Variants in NAP1L1 observed in about 807,000 individuals in gnomAD.
The protein encoded by NAP1L1 is nucleosome assembly protein 1 like 1.
A neutral mutation model predicts 58.9 loss-of-function variants in NAP1L1; 9 were observed. The ratio of observed to expected loss-of-function variants is 0.15; its 90% CI spans 0.09 to 0.27. The LOEUF (loss-of-function observed/expected upper bound fraction) is 0.27. Ranked by LOEUF, NAP1L1 falls within the 10% of genes least tolerant of loss-of-function variation. The pLI is 1.00. For synonymous variants in NAP1L1, 130 were observed against 138.3 expected (o/e 0.94, Z 0.42); for missense variants, 302 against 458.8 (o/e 0.66, Z 3.12).
rs568175346 is a variant in NAP1L1, at chr12:76,041,959, G to A, written c.*6470C>T. On this transcript the variant is annotated 3_prime_UTR_variant, in exon 15 of 15. Coordinates refer to ENST00000618691, the MANE Select transcript of NAP1L1 (RefSeq NM_004537.7). ...TTTCTGGGTTCTGCCAAAGGCCAAA[G>A]AAAGTAAACAGCATATGAAAACACA... is the stretch of plus-strand genomic sequence containing the variant. 3 of 152,194 alleles carry A rather than the reference G, an allele frequency of 2.0e-5. No homozygotes were observed. Among genetic ancestry groups the A allele is most frequent in the East Asian group, 3.9e-4 (2 of 5,188 alleles). 9.4% of individuals were successfully genotyped at this position (152,194 alleles called of 1,614,324 possible).
At chr12:76,081,922 C>T (rs1053142392) in intron 1 of NAP1L1, among the ~76,000 whole-genome samples, 11 of 152,282 alleles carry the variant, frequency 7.2e-5, no homozygotes, top group African/African-American at 2.6e-4. Flanking sequence ...TTACCCTTTC[C>T]TTCCTTTATA....
chr12:76,067,991 GTAAC>G (rs1273537028), intron 3 of NAP1L1, among the ~76,000 whole-genome samples: 2 of 152,176 alleles, frequency 1.3e-5, no homozygotes, highest in Non-Finnish European at 2.9e-5. Flanking sequence ...GTCAAAGACT[GTAAC>G]TAAAGCCAAA....
chr12:76,038,988 C>T lies in NAP1L1; in HGVS notation c.*9441G>A, dbSNP rs1000216825. The T allele has an allele frequency of 6.6e-6, 1 of 152,166 alleles. No individual in the cohort carries two copies. The highest frequency in any genetic ancestry group is 1.5e-5 in the Non-Finnish European group (1 of 68,036). 9.4% of individuals were successfully genotyped at this position (152,166 alleles called of 1,614,324 possible). On this transcript the variant is annotated 3_prime_UTR_variant, in exon 15 of 15. Transcript: ENST00000618691. ...ATGAAATAAAAAGCCTTGGGCAAAG[C>T]AGGACTCCAATCATAATTAATCCTT...
At chr12:76,049,016 G>A in intron 14 of NAP1L1, 184 bp downstream of exon 14, 1 of 569,504 alleles carries the variant, frequency 1.8e-6, no homozygotes, top group Non-Finnish European at 3.0e-6. Flanking sequence ...ATGTTTTTTA[G>A]AAAAACGTCC....
rs1157387370 is a variant in NAP1L1, at chr12:76,047,596, T to C, written c.*833A>G. 1.3e-5 allele frequency: 2 copies of C among 152,022 alleles called. No individual in the cohort carries two copies. Among genetic ancestry groups the C allele is most frequent in the Admixed American group, 6.6e-5 (1 of 15,256 alleles). The allele number at this position is 152,022 out of a possible 1,614,324, so 9.4% of individuals were successfully genotyped here. A position where few individuals can be genotyped will look rare whatever the true frequency, so the allele number is the denominator to read the frequency against. Reference sequence around the variant, plus strand: ...AGACATTATCTTGTAAGAACTAAAATTGTATTTGAAATTTTTATTTTAGCT... The same window carrying C: ...AGACATTATCTTGTAAGAACTAAAACTGTATTTGAAATTTTTATTTTAGCT... On this transcript the variant is annotated 3_prime_UTR_variant, in exon 15 of 15. Transcript: ENST00000618691.
At chr12:76,078,990 T>TACACACACACACACACACACAC (rs1410110613) in intron 1 of NAP1L1, among the ~76,000 whole-genome samples, 4 of 147,936 alleles carry the variant, frequency 2.7e-5, no homozygotes, top group African/African-American at 1.1e-4. Context: ...TCCATATATA[T>TACACACACACACACACACACAC]ATATACACAC....
At position 76,048,474 on chromosome 12, in the gene NAP1L1, G is replaced by A. The variant is rs1311175235; in HGVS notation, c.1141-10C>T. ...CTGGGTTTTGATCCTTCTGTTAAAGGAAAACAACAAGTCAATCTATCTTCT... is the reference window on the plus strand; with the variant it reads ...CTGGGTTTTGATCCTTCTGTTAAAGAAAAACAACAAGTCAATCTATCTTCT... On this transcript the variant is annotated splice_polypyrimidine_tract_variant and intron_variant, in intron 14 of 14. Coordinates refer to ENST00000618691, the MANE Select transcript of NAP1L1 (RefSeq NM_004537.7). The A allele has an allele frequency of 5.6e-6, 9 of 1,613,586 alleles. No homozygotes were observed. The highest frequency in any genetic ancestry group is 2.2e-5 in the East Asian group (1 of 44,852).
intron 5 of NAP1L1, 50 bp downstream of exon 5, chr12:76,060,088 G>C (rs778029503): frequency 1.3e-6 from 2 of 1,568,790 alleles, no homozygotes; most frequent in Admixed American, 3.6e-5. Context: ...TATGTTTCTA[G>C]AATTCGTCTT....
intron 11 of NAP1L1, among the ~76,000 whole-genome samples, chr12:76,052,430 T>C (rs555625616): frequency 2.0e-5 from 3 of 152,248 alleles, no homozygotes; most frequent in Non-Finnish European, 4.4e-5. Flanking sequence ...TACTTACTTT[T>C]GCCTTTTACA....
At chr12:76,063,587 C>T (rs1050341301) in intron 4 of NAP1L1, among the ~76,000 whole-genome samples, 22 of 152,106 alleles carry the variant, frequency 1.4e-4, no homozygotes, top group South Asian at 8.3e-4. Context: ...CACTTTAACT[C>T]GGGAGTTCGA....
At position 76,067,477 on chromosome 12, in the gene NAP1L1, T is replaced by TTA; in HGVS notation, c.104-5_104-4insTA. On this transcript the variant is annotated splice_polypyrimidine_tract_variant and splice_region_variant and intron_variant, in intron 3 of 14. Coordinates refer to ENST00000618691, the MANE Select transcript of NAP1L1 (RefSeq NM_004537.7). The stretch of plus-strand genomic sequence containing the variant: ...ATCTGAACAGTTAGCTGACGTGCTT[T>TTA]AAAAAAAAAAGGGCATCGAAAGAAG... The TTA allele has an allele frequency of 7.1e-7, 1 of 1,416,004 alleles. No individual in the cohort carries two copies. The allele number at this position is 1,416,004 out of a possible 1,614,324, so 87.7% of individuals were successfully genotyped here.
chr12:76,059,278 G>A (rs1296595655), intron 6 of NAP1L1, among the ~76,000 whole-genome samples: 1 of 152,170 alleles, frequency 6.6e-6, no homozygotes, highest in Non-Finnish European at 1.5e-5. Context: ...TCAAGTGGGG[G>A]CACCCCAGAT....
Position 76,040,185 on chromosome 12 carries a change from T to C in NAP1L1, c.*8244A>G, listed in dbSNP as rs1014053167. On this transcript the variant is annotated 3_prime_UTR_variant, in exon 15 of 15. Coordinates refer to ENST00000618691, the MANE Select transcript of NAP1L1 (RefSeq NM_004537.7). ...ATATGTAATTTAAGCTTTGATGTCT[T>C]TGGTCATTTTGGAAAACGACTGCAA... The C allele has an allele frequency of 2.0e-5, 3 of 152,226 alleles. No homozygotes were observed. The highest frequency in any genetic ancestry group is 7.2e-5 in the African/African-American group (3 of 41,468). 9.4% of individuals were successfully genotyped at this position (152,226 alleles called of 1,614,324 possible).
intron 3 of NAP1L1, 44 bp from the exon 4 acceptor site, chr12:76,067,517 G>C (rs1424069839): frequency 6.8e-7 from 1 of 1,476,616 alleles, no homozygotes; most frequent in Non-Finnish European, 9.3e-7. Flanking sequence ...TTATGAAAAT[G>C]TATTATGCTT....
rs758582461 is a variant in NAP1L1 at position 76,048,439 on chromosome 12, T to A, written c.1166A>T (p.Lys389Met). ...PKKDQNPAEC[K>M]QQ ...CACATACATCCTGCTTCACTGCTGC[T>A]TGCACTCTGCTGGGTTTTGATCCTT... Residue 389 changes from lysine to methionine, a missense_variant, in exon 15 of 15, where the codon AAG becomes ATG. By Grantham distance (95) the Lys-to-Met change is moderately conservative (BLOSUM62 -1). Coordinates refer to ENST00000618691, the MANE Select transcript of NAP1L1 (RefSeq NM_004537.7). The A allele has an allele frequency of 5.0e-6, 8 of 1,613,542 alleles. No individual in the cohort carries two copies.
chr12:76,083,439 A>G (rs1300228404), intron 1 of NAP1L1, among the ~76,000 whole-genome samples: 1 of 150,598 alleles, frequency 6.6e-6, no homozygotes, highest in Admixed American at 6.6e-5. Context: ...GGCCACACGT[A>G]AAATACATTA....
rs1948573076 is a variant in NAP1L1 at position 76,043,777 on chromosome 12, A to G, written c.*4652T>C. On this transcript the variant is annotated 3_prime_UTR_variant, in exon 15 of 15. Coordinates refer to ENST00000618691, the MANE Select transcript of NAP1L1 (RefSeq NM_004537.7). Reference sequence around the variant, plus strand: ...TTCACAAATTCCTACAGATTCTCAAAATCTCAGCTAAAAGCTCATACAAAT... The same window carrying G: ...TTCACAAATTCCTACAGATTCTCAAGATCTCAGCTAAAAGCTCATACAAAT... 6.6e-6 allele frequency: 1 copy of G among 152,074 alleles called. No homozygotes were observed. Among genetic ancestry groups the G allele is most frequent in the Non-Finnish European group, 1.5e-5 (1 of 68,028 alleles). 9.4% of individuals were successfully genotyped at this position (152,074 alleles called of 1,614,324 possible). A position where few individuals can be genotyped will look rare whatever the true frequency, so the allele number is the denominator to read the frequency against.
At chr12:76,076,981 T>C (rs1037527017) in intron 1 of NAP1L1, among the ~76,000 whole-genome samples, 4 of 152,192 alleles carry the variant, frequency 2.6e-5, no homozygotes, top group African/African-American at 9.6e-5. Context: ...CACAGATTTA[T>C]ATAATAATTT....
At chr12:76,057,967 A>C (rs1949199007) in intron 6 of NAP1L1, 1 of 975,002 alleles carries the variant, frequency 1.0e-6, no homozygotes, top group African/African-American at 1.6e-5. Flanking sequence ...TAAATCACAC[A>C]AAGATTTTTT....
Sources: allele counts gnomAD v4.1 joint callset (sites outside exome capture counted in the v4.1 genomes callset), GRCh38; gene constraint gnomAD v4.1.1; transcripts MANE v1.5; gene names NCBI Gene and HGNC (gene_info 2026-07-23, HGNC 2026-07-21).